Variants in CDC42BPA observed in about 807,000 individuals in gnomAD.
CDC42BPA encodes the protein serine/threonine-protein kinase MRCK alpha.
In CDC42BPA, 80 loss-of-function variants were observed where a neutral mutation model predicts 223.5. That is an observed-to-expected ratio of 0.36 (90% confidence interval 0.30 to 0.43). CDC42BPA has a LOEUF of 0.43. CDC42BPA is among the 20% of genes least tolerant of loss of function. CDC42BPA has a pLI of 1.00. For synonymous variants in CDC42BPA, 694 were observed against 718.6 expected, an observed-to-expected ratio of 0.97 and a Z score of 0.55; for missense variants, 1,743 against 2,099.9, an observed-to-expected ratio of 0.83 and a Z score of 3.32.
At chr1:227,269,071 A>G (rs1016497660) in intron 1 of CDC42BPA, among the ~76,000 whole-genome samples, 3 of 152,248 alleles carry the variant, frequency 2.0e-5, no homozygotes, top group Non-Finnish European at 4.4e-5. Context: ...TAAAGGCCAC[A>G]GTAAATATTG....
chr1:227,052,482 G>C (rs939617877), intron 21 of CDC42BPA, among the ~76,000 whole-genome samples: 6 of 152,030 alleles, frequency 3.9e-5, no homozygotes, highest in African/African-American at 1.4e-4. Context: ...CCTTTATTTT[G>C]CATCAGTAGA....
At chr1:227,127,417 T>C (rs190257384) in intron 11 of CDC42BPA, among the ~76,000 whole-genome samples, 3 of 152,338 alleles carry the variant, frequency 2.0e-5, no homozygotes, top group Non-Finnish European at 4.4e-5. Context: ...AGTTTTAAAA[T>C]TAATTAGCAA....
At chr1:227,037,451 A>AT (rs1558344140) in intron 24 of CDC42BPA, among the ~76,000 whole-genome samples, 2 of 152,214 alleles carry the variant, frequency 1.3e-5, no homozygotes, top group Non-Finnish European at 1.5e-5. Context: ...TTAAACACAC[A>AT]TATCTAATGG....
chr1:227,092,372 A>ATG (rs1320246604), intron 15 of CDC42BPA, among the ~76,000 whole-genome samples: 2 of 152,214 alleles, frequency 1.3e-5, no homozygotes, highest in Non-Finnish European at 2.9e-5. Flanking sequence ...TATATATGGC[A>ATG]ATGCAAAAAG....
At chr1:227,176,200 G>A (rs892293232) in intron 5 of CDC42BPA, among the ~76,000 whole-genome samples, 29 of 151,984 alleles carry the variant, frequency 1.9e-4, no homozygotes, top group African/African-American at 3.6e-4. Context: ...TGATCTGCCC[G>A]CCTTGGCCTC....
At chr1:227,094,920 C>A (rs892278654) in intron 15 of CDC42BPA, among the ~76,000 whole-genome samples, 1 of 152,196 alleles carries the variant, frequency 6.6e-6, no homozygotes, top group African/African-American at 2.4e-5. Context: ...CCACAAAGCA[C>A]TCCTTTCACC....
intron 5 of CDC42BPA, among the ~76,000 whole-genome samples, chr1:227,175,206 T>C (rs929335409): frequency 1.3e-5 from 2 of 152,176 alleles, no homozygotes; most frequent in African/African-American, 4.8e-5. Flanking sequence ...ATAGAATTCA[T>C]GGTCTAAATT....
At chr1:227,059,351 A>C (rs750511720) in intron 21 of CDC42BPA, 5 of 1,557,122 alleles carry the variant, frequency 3.2e-6, no homozygotes, top group Non-Finnish European at 4.3e-6. Context: ...GGATGGGTAC[A>C]TAAAGTGCAA....
chr1:227,299,983 C>A (rs901160827), intron 1 of CDC42BPA, among the ~76,000 whole-genome samples: 5 of 152,142 alleles, frequency 3.3e-5, no homozygotes, highest in Non-Finnish European at 7.4e-5. Context: ...TTCTCAGAGT[C>A]CTACAGTTCA....
At chr1:227,076,370 C>A (rs1679479845) in intron 17 of CDC42BPA, among the ~76,000 whole-genome samples, 1 of 152,192 alleles carries the variant, frequency 6.6e-6, no homozygotes, top group Non-Finnish European at 1.5e-5. Flanking sequence ...AATTCTCCTA[C>A]CTCAGCCTCC....
chr1:227,280,544 A>C (rs1687847946), intron 1 of CDC42BPA, among the ~76,000 whole-genome samples: 1 of 152,266 alleles, frequency 6.6e-6, no homozygotes, highest in African/African-American at 2.4e-5. Flanking sequence ...AAAGCTAAAG[A>C]CCTGAAAATT....
Position 227,213,158 on chromosome 1 carries a change from C to T in CDC42BPA, c.332G>A (p.Trp111Ter). 6.4e-7 allele frequency: 1 copy of T among 1,560,852 alleles called. No homozygotes were observed. The highest frequency in any genetic ancestry group is 1.2e-5 in the South Asian group (1 of 85,852). ...KVFAMKILNK[W>*]EMLKRAETAC... ...TACCTCAGCTCTTTTCAGCATTTCC[C>T]ATTTATTCAATATTTTCATGGCAAA... Residue 111 changes from tryptophan to a stop codon, truncating the protein, a stop_gained, in exon 3 of 37, where the codon TGG (tryptophan) becomes TAG (stop). Coordinates refer to ENST00000366766, the MANE Select transcript of CDC42BPA (RefSeq NM_001394014.1). LOFTEE classifies it high-confidence loss of function.
At chr1:227,204,566 T>C (rs1353938187) in intron 3 of CDC42BPA, among the ~76,000 whole-genome samples, 1 of 152,176 alleles carries the variant, frequency 6.6e-6, no homozygotes, top group Non-Finnish European at 1.5e-5. Context: ...AATCCCTTCA[T>C]GTAAAAATTA....
At chr1:227,310,466 T>C (rs1028584454) in intron 1 of CDC42BPA, among the ~76,000 whole-genome samples, 8 of 152,098 alleles carry the variant, frequency 5.3e-5, no homozygotes, top group Non-Finnish European at 1.2e-4. Flanking sequence ...TGTGCCCCGT[T>C]AACATGAAAG....
intron 1 of CDC42BPA, among the ~76,000 whole-genome samples, chr1:227,275,566 T>C (rs1361215103): frequency 6.6e-6 from 1 of 151,584 alleles, no homozygotes; most frequent in Non-Finnish European, 1.5e-5. Context: ...ATAAACAATA[T>C]TAGAAATGAA....
intron 1 of CDC42BPA, chr1:227,264,793 C>A (rs1228652685): frequency 8.7e-6 from 10 of 1,144,202 alleles, no homozygotes; most frequent in Non-Finnish European, 1.3e-5. Flanking sequence ...CCACTGTTAC[C>A]TCAGTGACAG....
At chr1:227,251,291 G>C (rs970311090) in intron 2 of CDC42BPA, among the ~76,000 whole-genome samples, 2 of 151,880 alleles carry the variant, frequency 1.3e-5, no homozygotes, top group Non-Finnish European at 2.9e-5. Flanking sequence ...ATTTACCAAG[G>C]ATACATGTGG....
intron 16 of CDC42BPA, among the ~76,000 whole-genome samples, chr1:227,083,803 C>T (rs1681222958): frequency 6.6e-6 from 1 of 152,156 alleles, no homozygotes; most frequent in Non-Finnish European, 1.5e-5. Flanking sequence ...TTCTTACTCA[C>T]CCTTACTCCT....
At chr1:227,241,891 T>C (rs1331039385) in intron 2 of CDC42BPA, among the ~76,000 whole-genome samples, 2 of 152,100 alleles carry the variant, frequency 1.3e-5, no homozygotes, top group Admixed American at 6.6e-5. Flanking sequence ...TTGGCATTAT[T>C]AAAAAGAAAT....
Sources: gnomAD v4.1 joint callset for allele counts (sites outside exome capture counted in the v4.1 genomes callset) on GRCh38, gnomAD v4.1.1 for gene constraint, MANE v1.5 for transcripts, NCBI Gene and HGNC (gene_info 2026-07-23, HGNC 2026-07-21) for gene names.